KCNH2: variants seen among roughly 807,000 people sequenced by gnomAD.
KCNH2 encodes the protein voltage-gated inwardly rectifying potassium channel KCNH2.
Under a neutral mutation model 95.9 loss-of-function variants are expected in KCNH2, and 35 were observed. The ratio of observed to expected loss-of-function variants is 0.37; its 90% CI spans 0.28 to 0.48. The LOEUF is 0.48. Among genes scored for constraint, KCNH2 ranks in the 20% least tolerant of loss-of-function variants. The pLI is 0.99. For synonymous variants in KCNH2, 786 were observed against 754.7 expected, an observed-to-expected ratio of 1.04 and a Z score of -0.68; for missense variants, 1,274 against 1,702.9, an observed-to-expected ratio of 0.75 and a Z score of 4.43.
intron 2 of KCNH2, among the ~76,000 whole-genome samples, chr7:150,969,653 G>A (rs899248711): frequency 3.3e-5 from 5 of 152,236 alleles, no homozygotes; most frequent in Non-Finnish European, 7.3e-5. Context: ...AGCAAACAGT[G>A]CCGAGCTCTC....
intron 2 of KCNH2, among the ~76,000 whole-genome samples, chr7:150,960,438 C>T (rs571347794): frequency 3.3e-5 from 5 of 152,302 alleles, no homozygotes; most frequent in Admixed American, 2.6e-4. Flanking sequence ...CAATGCCTGG[C>T]GTATGCCGCA....
rs761863251 is a variant in KCNH2, at chr7:150,959,590, TG to T, written c.453del (p.Thr152ProfsTer14). The part of the protein sequence containing the change: ...PAHDTNHRGP[P>X]TSWLAPGRAK... ...CACTTACCTGGGGCCAGCCAGCTGGTGGGGGGGCCCCGGTGGTTGGTGTCAT... is the reference window on the plus strand; with the variant it reads ...CACTTACCTGGGGCCAGCCAGCTGGTGGGGGGCCCCGGTGGTTGGTGTCAT... On this transcript the variant is annotated frameshift_variant, in exon 3 of 15. Coordinates refer to ENST00000262186, the MANE Select transcript of KCNH2 (RefSeq NM_000238.4). LOFTEE classifies it high-confidence loss of function. 6.2e-7 allele frequency: 1 copy of T among 1,613,878 alleles called. No homozygotes were observed. Among genetic ancestry groups the T allele is most frequent in the Non-Finnish European group, 8.5e-7 (1 of 1,179,910 alleles).
chr7:150,947,131 G>A (rs1800924635), intron 13 of KCNH2, 77 bp from the exon 14 acceptor site: 1 of 1,018,886 alleles, frequency 9.8e-7, no homozygotes, highest in Non-Finnish European at 1.4e-6. Flanking sequence ...GGAAGGGGAA[G>A]GGGAGGGGGG....
chr7:150,975,900 A>G (rs147818206), intron 1 of KCNH2, among the ~76,000 whole-genome samples: 71 of 152,276 alleles, frequency 4.7e-4, no homozygotes, highest in African/African-American at 1.6e-3. Flanking sequence ...AAGAAAGGGG[A>G]CCTGCCCAGG....
intron 2 of KCNH2, among the ~76,000 whole-genome samples, chr7:150,972,828 G>T (rs1563187669): frequency 6.6e-6 from 1 of 152,164 alleles, no homozygotes; most frequent in Admixed American, 6.5e-5. Flanking sequence ...GCAGAAGGGG[G>T]CCCATAGCCA....
At chr7:150,958,619 C>T in intron 3 of KCNH2, 117 bp from the exon 4 acceptor site, 2 of 705,454 alleles carry the variant, frequency 2.8e-6, no homozygotes, top group East Asian at 3.6e-5. Flanking sequence ...GGGCAACCCC[C>T]CATCCCCACT....
At chr7:150,972,569 G>A (rs1362612099) in intron 2 of KCNH2, among the ~76,000 whole-genome samples, 1 of 152,222 alleles carries the variant, frequency 6.6e-6, no homozygotes, top group Non-Finnish European at 1.5e-5. Flanking sequence ...GGAGACACCT[G>A]AGCCCCGTGG....
intron 2 of KCNH2, among the ~76,000 whole-genome samples, chr7:150,960,717 C>T (rs913008720): frequency 3.9e-5 from 6 of 152,214 alleles, no homozygotes; most frequent in South Asian, 4.1e-4. Context: ...CACCTCGCCT[C>T]GCGTTCCCCT....
At chr7:150,955,503 T>A in intron 5 of KCNH2, 1 of 1,544,992 alleles carries the variant, frequency 6.5e-7, no homozygotes, top group South Asian at 1.2e-5. Context: ...GGGGCCGCCA[T>A]GGAGGACTTG....
chr7:150,955,471 T>C, intron 5 of KCNH2: 1 of 1,557,056 alleles, frequency 6.4e-7, no homozygotes, highest in Non-Finnish European at 8.7e-7. Context: ...GCAGAGCCCC[T>C]GTCCTGCTCG....
intron 2 of KCNH2, 61 bp from the exon 3 acceptor site, chr7:150,959,797 C>A: frequency 6.3e-7 from 1 of 1,599,754 alleles, no homozygotes; most frequent in Non-Finnish European, 8.6e-7. Flanking sequence ...CAGAAAGCCA[C>A]GCAGGATGGA....
intron 2 of KCNH2, among the ~76,000 whole-genome samples, chr7:150,959,979 A>G (rs1477921205): frequency 6.6e-6 from 1 of 152,016 alleles, no homozygotes; most frequent in Admixed American, 6.6e-5. Flanking sequence ...CTCTCTGCCT[A>G]TATGATTTAT....
chr7:150,971,850 C>T (rs1426255287), intron 2 of KCNH2, among the ~76,000 whole-genome samples: 1 of 151,996 alleles, frequency 6.6e-6, no homozygotes, highest in Non-Finnish European at 1.5e-5. Context: ...TGCAGGGGGA[C>T]AGAGAGAAGG....
In KCNH2 at chr7:150,952,836, G is replaced by A. The variant is rs202147325; in HGVS notation, c.1146C>T (p.Ala382=). The A allele has an allele frequency of 1.6e-5, 26 of 1,613,568 alleles. No individual in the cohort carries two copies. Among genetic ancestry groups the A allele is most frequent in the East Asian group, 2.2e-5 (1 of 44,890 alleles). The stretch of plus-strand genomic sequence containing the variant: ...GCAGCTTGTACTCAGGCAGCACGTC[G>A]GCGCCCAGGGACAGGACCTGCACCC... The part of the protein sequence containing the change: ...EKVTQVLSLG[A]DVLPEYKLQA... Residue 382 remains alanine, a synonymous_variant, in exon 6 of 15, where the codon GCC becomes GCT. Transcript: ENST00000262186. This position sits in a 1 kb window ranked among gnomAD's most constrained non-coding sequence, Gnocchi z 7.3.
In KCNH2 at chr7:150,961,156, CTA is replaced by C. The variant is rs1801557146; in HGVS notation, c.308-1422_308-1421del. On this transcript the variant is annotated intron_variant, in intron 2 of 14. Coordinates refer to ENST00000262186, the MANE Select transcript of KCNH2 (RefSeq NM_000238.4). The surrounding 1 kb of genome is among the most constrained non-coding windows in gnomAD (Gnocchi z 6.2). ...CCGTCCCCACGTTAGTGCCTAGCAC[CTA>C]GAGTCATACGCCCTGGGGCCAGCAC... is the stretch of plus-strand genomic sequence containing the variant. Among the ~76,000 whole-genome samples, 1 of 152,158 alleles carries C rather than the reference CTA, an allele frequency of 6.6e-6. No individual in the cohort carries two copies. The highest frequency in any genetic ancestry group is 1.5e-5 in the Non-Finnish European group (1 of 68,022).
At position 150,945,553 on chromosome 7, in the gene KCNH2, T is replaced by C. The variant is rs112755769; in HGVS notation, c.3331-39A>G. ...AGAGCATGGGCAGGCGAAGAGGCCATGGAGGAGGAGGAAGGGGAGGGAAAG... is the reference window on the plus strand; with the variant it reads ...AGAGCATGGGCAGGCGAAGAGGCCACGGAGGAGGAGGAAGGGGAGGGAAAG... On this transcript the variant is annotated intron_variant, in intron 14 of 14. Transcript: ENST00000262186. The surrounding 1 kb of genome is among the most constrained non-coding windows in gnomAD (Gnocchi z 5.6). 7 of 1,550,552 alleles carry C rather than the reference T, an allele frequency of 4.5e-6. No homozygotes were observed. Among genetic ancestry groups the C allele is most frequent in the African/African-American group, 1.4e-5 (1 of 72,634 alleles).
chr7:150,946,635 G>T lies in KCNH2; in HGVS notation c.3330+242C>A, dbSNP rs1800901624. On this transcript the variant is annotated intron_variant, in intron 14 of 14. Coordinates refer to ENST00000262186, the MANE Select transcript of KCNH2 (RefSeq NM_000238.4). The surrounding 1 kb of genome is among the most constrained non-coding windows in gnomAD (Gnocchi z 6.5). The stretch of plus-strand genomic sequence containing the variant: ...GGGGAGTGAAGCTGCGGGCCACTTA[G>T]CCTACAGGTTCCCTGCACCCAGCTG... Among the ~76,000 whole-genome samples, 1 of 152,210 alleles carries T rather than the reference G, an allele frequency of 6.6e-6. No homozygotes were observed. Among genetic ancestry groups the T allele is most frequent in the Non-Finnish European group, 1.5e-5 (1 of 68,042 alleles).
intron 2 of KCNH2, among the ~76,000 whole-genome samples, chr7:150,964,207 G>A (rs932504895): frequency 1.5e-4 from 23 of 152,348 alleles, no homozygotes; most frequent in African/African-American, 5.3e-4. Flanking sequence ...TGGGGTCAGA[G>A]TCTCCGTGCG....
chr7:150,956,804 C>G (rs62492439), intron 5 of KCNH2, among the ~76,000 whole-genome samples: 1 of 152,230 alleles, frequency 6.6e-6, no homozygotes, highest in Non-Finnish European at 1.5e-5. Context: ...CACCCTCTGC[C>G]TGGCACATCA....
Sources: gnomAD v4.1 joint callset for allele counts (sites outside exome capture counted in the v4.1 genomes callset) on GRCh38, gnomAD v4.1.1 for gene constraint, Gnocchi (gnomAD v3.1) non-coding constraint, MANE v1.5 for transcripts, NCBI Gene and HGNC (gene_info 2026-07-23, HGNC 2026-07-21) for gene names.